CAPZA2: variants seen among roughly 807,000 people sequenced by gnomAD.
CAPZA2 encodes the protein capping actin protein of muscle Z-line subunit alpha 2.
Under a neutral mutation model 44.0 loss-of-function variants are expected in CAPZA2, and 13 were observed. That is an observed-to-expected ratio of 0.30 (90% CI 0.19 to 0.47). The LOEUF is 0.47. Among genes scored for constraint, CAPZA2 ranks in the 20% least tolerant of loss-of-function variants. The pLI is 1.00. For synonymous variants in CAPZA2, 94 were observed against 108.2 expected (o/e 0.87, Z 0.81); for missense variants, 244 against 338.6 (o/e 0.72, Z 2.19).
intron 1 of CAPZA2, chr7:116,874,790 T>C (rs1255490626): frequency 6.6e-6 from 1 of 152,266 alleles, no homozygotes; most frequent in Non-Finnish European, 1.5e-5. Context: ...GAATTCTCTC[T>C]AAGAATAATG....
intron 8 of CAPZA2, 151 bp from the exon 9 acceptor site, chr7:116,915,903 CCTTAGA>C: frequency 2.0e-6 from 1 of 499,358 alleles, no homozygotes; most frequent in South Asian, 3.3e-5. Flanking sequence ...CCTATTTTCC[CCTTAGA>C]CTTAGAATAA....
intron 1 of CAPZA2, among the ~76,000 whole-genome samples, chr7:116,868,236 C>T (rs763306573): frequency 1.3e-5 from 2 of 152,084 alleles, no homozygotes; most frequent in Non-Finnish European, 2.9e-5. Context: ...ATTTGCTTAC[C>T]GTTTTTTCCC....
At position 116,919,815 on chromosome 7, in the gene CAPZA2, AGATCGC is replaced by A. The variant is rs1472689261; in HGVS notation, c.*1950_*1955del. 1 of 151,874 alleles carries A rather than the reference AGATCGC, an allele frequency of 6.6e-6. No homozygotes were observed. The highest frequency in any genetic ancestry group is 1.5e-5 in the Non-Finnish European group (1 of 68,006). The allele number at this position is 151,874 out of a possible 1,614,324, so 9.4% of individuals were successfully genotyped here. A position where few individuals can be genotyped will look rare whatever the true frequency, so the allele number is the denominator to read the frequency against. On this transcript the variant is annotated 3_prime_UTR_variant, in exon 10 of 10. Coordinates refer to ENST00000361183, the MANE Select transcript of CAPZA2 (RefSeq NM_006136.3). Reference sequence around the variant, plus strand: ...GGGAGGCGGAGCTCGCAGTGAGCCGAGATCGCGCCACTGCACTCCAGCCTGGGTGAC... The same window carrying A: ...GGGAGGCGGAGCTCGCAGTGAGCCGAGCCACTGCACTCCAGCCTGGGTGAC...
chr7:116,873,502 T>A (rs985008559), intron 1 of CAPZA2: 1 of 152,738 alleles, frequency 6.5e-6, no homozygotes, highest in Admixed American at 6.5e-5. Context: ...AATTGTTTTC[T>A]TCAGACAGTT....
intron 1 of CAPZA2, chr7:116,876,249 CAA>C (rs34563707): frequency 2.9e-4 from 26 of 89,100 alleles, no homozygotes; most frequent in Admixed American, 3.6e-4. Flanking sequence ...GACTCCATCT[CAA>C]AAAAAAAAAA....
At chr7:116,888,265 T>C in intron 2 of CAPZA2, 75 bp downstream of exon 2, 1 of 1,038,416 alleles carries the variant, frequency 9.6e-7, no homozygotes, top group Non-Finnish European at 1.5e-6. Flanking sequence ...ATAATCAAAA[T>C]AAGCTAAGGA....
chr7:116,892,865 C>A, intron 2 of CAPZA2, 129 bp from the exon 3 acceptor site: 1 of 420,168 alleles, frequency 2.4e-6, no homozygotes, highest in Non-Finnish European at 4.2e-6. Flanking sequence ...TTATTTTGGT[C>A]ATGAGTGATA....
chr7:116,912,349 G>A (rs1481654620), intron 8 of CAPZA2, among the ~76,000 whole-genome samples: 4 of 151,880 alleles, frequency 2.6e-5, no homozygotes, highest in African/African-American at 9.7e-5. Flanking sequence ...TAAAATATAA[G>A]CTTCAAATTT....
intron 2 of CAPZA2, among the ~76,000 whole-genome samples, chr7:116,888,891 G>A (rs943101510): frequency 2.0e-5 from 3 of 152,018 alleles, no homozygotes; most frequent in African/African-American, 7.2e-5. Context: ...TTTTGGAATT[G>A]TGAAAGGAAT....
At chr7:116,863,514 G>A (rs1377932779) in intron 1 of CAPZA2, among the ~76,000 whole-genome samples, 1 of 152,230 alleles carries the variant, frequency 6.6e-6, no homozygotes, top group Non-Finnish European at 1.5e-5. Context: ...TAAGTTCTCA[G>A]ATATTTAAAA....
chr7:116,868,754 CTTATTA>C lies in CAPZA2; in HGVS notation c.39+6107_39+6112del, dbSNP rs536996986. Among the ~76,000 whole-genome samples the C allele has an allele frequency of 2.0e-5, 3 of 152,162 alleles. No individual in the cohort carries two copies. The South Asian group carries it at 6.2e-4, about 32-fold the overall frequency. ...ATCTCAAAAAGTTTAAAAAAAAATT[CTTATTA>C]TTGAGAAGGTAAACTCAAGCAAAAA... On this transcript the variant is annotated intron_variant, in intron 1 of 9. Transcript: ENST00000361183.
chr7:116,896,750 T>C (rs1202622216), intron 3 of CAPZA2, among the ~76,000 whole-genome samples: 1 of 152,098 alleles, frequency 6.6e-6, no homozygotes, highest in Non-Finnish European at 1.5e-5. Flanking sequence ...ATGCTTAGCT[T>C]ATAGTAATAA....
intron 8 of CAPZA2, among the ~76,000 whole-genome samples, chr7:116,914,772 TA>T (rs1012437162): frequency 6.6e-6 from 1 of 152,202 alleles, no homozygotes; most frequent in African/African-American, 2.4e-5. Flanking sequence ...AGCTATCTTT[TA>T]AAAAAATTTT....
chr7:116,885,713 A>G (rs978930789), intron 1 of CAPZA2, among the ~76,000 whole-genome samples: 1 of 152,192 alleles, frequency 6.6e-6, no homozygotes, highest in African/African-American at 2.4e-5. Flanking sequence ...TGTAAAGGAT[A>G]CAGATGAAGA....
intron 9 of CAPZA2, among the ~76,000 whole-genome samples, 199 bp from the exon 10 acceptor site, chr7:116,917,528 A>C (rs1791696946): frequency 6.6e-6 from 1 of 152,138 alleles, no homozygotes; most frequent in Non-Finnish European, 1.5e-5. Context: ...AAGTGCTGGG[A>C]TTACAGGCGT....
At chr7:116,887,480 A>G (rs1227582580) in intron 1 of CAPZA2, among the ~76,000 whole-genome samples, 1 of 151,810 alleles carries the variant, frequency 6.6e-6, no homozygotes, top group Non-Finnish European at 1.5e-5. Flanking sequence ...GTGAGCCAAG[A>G]TCACACCACT....
At chr7:116,891,385 A>C (rs889744343) in intron 2 of CAPZA2, among the ~76,000 whole-genome samples, 4 of 152,260 alleles carry the variant, frequency 2.6e-5, no homozygotes, top group African/African-American at 7.2e-5. Context: ...GGATAAAAAT[A>C]ACAGTAATTA....
chr7:116,893,233 C>T (rs749934211), intron 3 of CAPZA2, among the ~76,000 whole-genome samples, 188 bp downstream of exon 3: 21 of 152,042 alleles, frequency 1.4e-4, no homozygotes, highest in African/African-American at 2.2e-4. Flanking sequence ...CGGGTACAAG[C>T]GATTCTTCTG....
chr7:116,884,338 T>C (rs1796735062), intron 1 of CAPZA2, among the ~76,000 whole-genome samples: 1 of 151,904 alleles, frequency 6.6e-6, no homozygotes, highest in Non-Finnish European at 1.5e-5. Context: ...TCTAGATACA[T>C]ACTAGTACAG....
Sources: gnomAD v4.1 joint callset for allele counts (sites outside exome capture counted in the v4.1 genomes callset) on GRCh38, gnomAD v4.1.1 for gene constraint, MANE v1.5 for transcripts, NCBI Gene and HGNC (gene_info 2026-07-23, HGNC 2026-07-21) for gene names.